The following ADAMTSL1 variants were observed in gnomAD, a reference collection of about 807,000 sequenced individuals.
The protein encoded by ADAMTSL1 is ADAMTS-like protein 1.
A neutral mutation model predicts 201.8 loss-of-function variants in ADAMTSL1; 126 were observed. That is an observed-to-expected ratio of 0.62 (90% CI 0.54 to 0.72). The LOEUF is 0.72. Among genes scored for constraint, ADAMTSL1 ranks in the 30% least tolerant of loss-of-function variants. The pLI, the probability that ADAMTSL1 is intolerant of heterozygous loss-of-function variation, is 0.00. For synonymous variants in ADAMTSL1, 1,121 were observed against 903.4 expected, an observed-to-expected ratio of 1.24 and a Z score of -4.32; for missense variants, 2,679 against 2,277.8, an observed-to-expected ratio of 1.18 and a Z score of -3.59.
At chr9:18,517,049 T>C (rs144973372) in intron 2 of ADAMTSL1, among the ~76,000 whole-genome samples, 1 of 152,338 alleles carries the variant, frequency 6.6e-6, no homozygotes, top group East Asian at 1.9e-4. Flanking sequence ...AGTTTCATAA[T>C]ATACATTTTC....
At chr9:18,817,044 C>CAAAGGAGTGCCCCAA (rs1366009778) in intron 20 of ADAMTSL1, 65 bp from the exon 21 acceptor site, 2 of 1,576,190 alleles carry the variant, frequency 1.3e-6, no homozygotes, top group Non-Finnish European at 1.7e-6. Flanking sequence ...GCCCATATTT[C>CAAAGGAGTGCCCCAA]AAAGGAGTGC....
chr9:18,820,008 C>A (rs1016845066), intron 21 of ADAMTSL1, among the ~76,000 whole-genome samples: 6 of 152,198 alleles, frequency 3.9e-5, no homozygotes, highest in Non-Finnish European at 5.9e-5. Flanking sequence ...CTATCCCATT[C>A]CCAGTCAGGC....
intron 2 of ADAMTSL1, among the ~76,000 whole-genome samples, chr9:18,522,091 T>A (rs1315185908): frequency 6.6e-6 from 1 of 152,104 alleles, no homozygotes; most frequent in Non-Finnish European, 1.5e-5. Context: ...TGGTATCAAG[T>A]ATTTCCTGAA....
At chr9:18,886,070 T>C (rs1374638586) in intron 23 of ADAMTSL1, among the ~76,000 whole-genome samples, 4 of 150,924 alleles carry the variant, frequency 2.7e-5, no homozygotes, top group Non-Finnish European at 5.9e-5. Flanking sequence ...GCAGATCACT[T>C]GAGGCCAGGA....
At chr9:18,079,984 C>G (rs978373289) in intron 1 of ADAMTSL1, among the ~76,000 whole-genome samples, 2 of 152,070 alleles carry the variant, frequency 1.3e-5, no homozygotes, top group African/African-American at 2.4e-5. Context: ...GAGTGCTTGA[C>G]CAGGTGAGCT....
intron 1 of ADAMTSL1, among the ~76,000 whole-genome samples, chr9:18,009,154 T>G (rs1309677407): frequency 6.6e-6 from 1 of 152,016 alleles, no homozygotes; most frequent in Non-Finnish European, 1.5e-5. Flanking sequence ...GTTCACTCAT[T>G]CATTCCTTTC....
chr9:18,179,772 A>G (rs1316305029), intron 2 of ADAMTSL1, among the ~76,000 whole-genome samples: 1 of 152,144 alleles, frequency 6.6e-6, no homozygotes, highest in Non-Finnish European at 1.5e-5. Flanking sequence ...ATCCAGCCAA[A>G]CTAAGCTTCA....
intron 5 of ADAMTSL1, among the ~76,000 whole-genome samples, chr9:18,623,069 T>C (rs1391541061): frequency 6.6e-6 from 1 of 152,098 alleles, no homozygotes; most frequent in African/African-American, 2.4e-5. Flanking sequence ...CTAATTTTTG[T>C]ATTTTTAGTA....
intron 22 of ADAMTSL1, among the ~76,000 whole-genome samples, chr9:18,829,459 A>G (rs1471673082): frequency 1.3e-5 from 2 of 152,188 alleles, no homozygotes; most frequent in African/African-American, 4.8e-5. Context: ...TGAAAAATGG[A>G]CTGAAATGTA....
At chr9:18,198,075 A>T (rs1829265892) in intron 2 of ADAMTSL1, among the ~76,000 whole-genome samples, 1 of 152,166 alleles carries the variant, frequency 6.6e-6, no homozygotes, top group Non-Finnish European at 1.5e-5. Flanking sequence ...CTGAAATTGG[A>T]TCCCTTCCTT....
At chr9:18,174,874 A>G (rs188530297) in intron 2 of ADAMTSL1, among the ~76,000 whole-genome samples, 323 of 152,314 alleles carry the variant, frequency 2.1e-3, no homozygotes, top group African/African-American at 7.5e-3. Flanking sequence ...TTATTACCCA[A>G]TGGAAAGTTT....
intron 4 of ADAMTSL1, among the ~76,000 whole-genome samples, chr9:18,589,884 G>A (rs1823796166): frequency 6.6e-6 from 1 of 152,132 alleles, no homozygotes; most frequent in Non-Finnish European, 1.5e-5. Flanking sequence ...ATTTGTAAAT[G>A]TTGATCATCC....
intron 1 of ADAMTSL1, among the ~76,000 whole-genome samples, chr9:17,914,465 T>G (rs1239959803): frequency 1.3e-5 from 2 of 152,158 alleles, no homozygotes; most frequent in Middle Eastern, 3.2e-3. Context: ...TTGACAAAAT[T>G]CAGCAACCCT....
chr9:18,807,800 CT>C (rs1308394740), intron 20 of ADAMTSL1, among the ~76,000 whole-genome samples: 1 of 152,152 alleles, frequency 6.6e-6, no homozygotes, highest in Non-Finnish European at 1.5e-5. Context: ...CGTGCCATGG[CT>C]TTTGTTATCT....
chr9:18,809,064 A>G (rs1823344198), intron 20 of ADAMTSL1, among the ~76,000 whole-genome samples: 1 of 152,242 alleles, frequency 6.6e-6, no homozygotes, highest in African/African-American at 2.4e-5. Context: ...AGAAGACAAG[A>G]GAGATGTGAT....
At chr9:18,401,088 C>G (rs1817966224) in intron 2 of ADAMTSL1, among the ~76,000 whole-genome samples, 1 of 152,132 alleles carries the variant, frequency 6.6e-6, no homozygotes, top group South Asian at 2.1e-4. Context: ...TGGCCATTAA[C>G]CAACTGTGGT....
intron 4 of ADAMTSL1, among the ~76,000 whole-genome samples, chr9:18,608,901 C>T (rs1825199552): frequency 7.2e-6 from 1 of 139,448 alleles, no homozygotes. Flanking sequence ...TTGGCTTATT[C>T]ATTTAGATTC....
At chr9:18,647,805 A>C (rs917787742) in intron 7 of ADAMTSL1, among the ~76,000 whole-genome samples, 21 of 151,846 alleles carry the variant, frequency 1.4e-4, no homozygotes, top group Non-Finnish European at 2.4e-4. Context: ...CTTTACTTCC[A>C]AGTATGTGGT....
rs765328169 is a variant in ADAMTSL1, at chr9:18,776,823, C to T, written c.2594C>T (p.Ala865Val). 1 of 1,578,372 alleles carries T rather than the reference C, an allele frequency of 6.3e-7. No homozygotes were observed. Among genetic ancestry groups the T allele is most frequent in the Admixed American group, 1.8e-5 (1 of 54,552 alleles). ...ACGAAGCACAGCCCGCACATCGCGG[C>T]CGCCAGGAAGGTCTACATACAGACT... ...PSTKHSPHIAAARKVYIQTRR... is the reference protein window; with the variant it reads ...PSTKHSPHIAVARKVYIQTRR... The change falls in exon 19 of 29, where the codon GCC becomes GTC. Residue 865 changes from alanine (A) to valine (V), a missense_variant. By Grantham distance (64) the Ala-to-Val change is moderately conservative. Transcript: ENST00000380548.
Sources: gnomAD v4.1 joint callset for allele counts (sites outside exome capture counted in the v4.1 genomes callset) on GRCh38, gnomAD v4.1.1 for gene constraint, MANE v1.5 for transcripts, NCBI Gene and HGNC (gene_info 2026-07-23, HGNC 2026-07-21) for gene names.